Variants in GPR153 observed in about 807,000 individuals in gnomAD.
GPR153 encodes probable G protein-coupled receptor 153.
GPR153 carries 27 observed loss-of-function variants against 34.1 expected under a neutral mutation model. That is an observed-to-expected ratio of 0.79 (90% CI 0.58 to 1.09). The LOEUF is 1.09. Ranked by LOEUF, GPR153 falls within the 50% of genes least tolerant of loss-of-function variation. GPR153 has a pLI of 0.00. For missense variants in GPR153, 848 were observed against 860.2 expected, an observed-to-expected ratio of 0.99 and a Z score of 0.18; for synonymous variants, 408 against 405.4, an observed-to-expected ratio of 1.01 and a Z score of -0.08.
rs766020613 is a variant in GPR153 at position 6,253,776 on chromosome 1, G to A, written c.728C>T (p.Thr243Met). ...GAAGACTATGGTGGTCACGAGGCCCGTGGTCTGCAGAGAGGTTTTGGCGGG... is the reference window on the plus strand; with the variant it reads ...GAAGACTATGGTGGTCACGAGGCCCATGGTCTGCAGAGAGGTTTTGGCGGG... ...SEPAKTSLQTTGLVTTIVFIY... is the reference protein window; with the variant it reads ...SEPAKTSLQTMGLVTTIVFIY... Residue 243 changes from threonine (T) to methionine (M), a missense_variant, in exon 3 of 6, where the codon ACG becomes ATG. By Grantham distance (81) the Thr-to-Met change is moderately conservative. Transcript: ENST00000377893. 9.0e-6 allele frequency: 14 copies of A among 1,550,330 alleles called. No homozygotes were observed. Among genetic ancestry groups the A allele is most frequent in the South Asian group, 2.5e-5 (2 of 81,068 alleles).
Position 6,254,044 on chromosome 1 carries a change from C to T in GPR153, c.460G>A (p.Glu154Lys), listed in dbSNP as rs367600573. 44 of 1,613,318 alleles carry T rather than the reference C, an allele frequency of 2.7e-5. No individual in the cohort carries two copies. The highest frequency in any genetic ancestry group is 1.6e-4 in the Middle Eastern group (1 of 6,084). Reference protein sequence around the residue: ...LPAVGWHDTSERFYTHGCRFI... With the variant: ...LPAVGWHDTSKRFYTHGCRFI... The stretch of plus-strand genomic sequence containing the variant: ...CGGCAGCCATGGGTGTAGAAGCGCT[C>T]GCTGGTGTCGTGCCAGCCAACGGCA... The change falls in exon 3 of 6, where the codon GAG becomes AAG. Residue 154 changes from glutamate to lysine, a missense_variant. Transcript: ENST00000377893.
rs556101646 is a variant in GPR153 at position 6,259,040 on chromosome 1, G to A, written c.-110+1785C>T. Among the ~76,000 whole-genome samples the A allele has an allele frequency of 7.9e-5, 12 of 152,330 alleles. No individual in the cohort carries two copies. The South Asian group carries it at 2.5e-3, about 32-fold the overall frequency. On this transcript the variant is annotated intron_variant, in intron 1 of 5. Coordinates refer to ENST00000377893, the MANE Select transcript of GPR153 (RefSeq NM_207370.4). ...CTCGGGGAGGCCAAGGTGAGTGGAT[G>A]GCTTGAGCCCGGGAGTTCGAGACCA...
In GPR153 at chr1:6,248,212, G is replaced by A. The variant is rs898522005; in HGVS notation, c.*1126C>T. On this transcript the variant is annotated 3_prime_UTR_variant, in exon 6 of 6. Coordinates refer to ENST00000377893, the MANE Select transcript of GPR153 (RefSeq NM_207370.4). ...CCCAGGCCTGTAAGGGGTCTGCCCA[G>A]GATGGAAGGCAAAGAAATACATTGC... is the stretch of plus-strand genomic sequence containing the variant. The A allele has an allele frequency of 6.6e-6, 1 of 152,314 alleles. No homozygotes were observed. Among genetic ancestry groups the A allele is most frequent in the African/African-American group, 2.4e-5 (1 of 41,456 alleles). The allele number at this position is 152,314 out of a possible 1,614,324, so 9.4% of individuals were successfully genotyped here. A position where few individuals can be genotyped will look rare whatever the true frequency, so the allele number is the denominator to read the frequency against.
chr1:6,253,903 C>T lies in GPR153; in HGVS notation c.601G>A (p.Val201Met), dbSNP rs144536689. 6.6e-4 allele frequency: 1,069 copies of T among 1,609,036 alleles called. 6 individuals carry two copies. In the South Asian group the frequency reaches 8.4e-3, roughly 13 times the overall value. The change falls in exon 3 of 6, where the codon GTG becomes ATG. Residue 201 changes from valine to methionine, a missense_variant. Val to Met is a conservative substitution (Grantham distance 21). Transcript: ENST00000377893. Reference sequence around the variant, plus strand: ...CGGTCGGCCTGGCGCCCCACCTGCACGGCCAGCGTCTGGAAGAGGGCGATG... The same window carrying T: ...CGGTCGGCCTGGCGCCCCACCTGCATGGCCAGCGTCTGGAAGAGGGCGATG... ...TAIALFQTLA[V>M]QVGRQADRRA... is the part of the protein sequence containing the mutation.
chr1:6,249,638 G>A lies in GPR153; in HGVS notation c.1530C>T (p.Cys510=). 9.1e-7 allele frequency: 1 copy of A among 1,097,438 alleles called. No homozygotes were observed. The allele number at this position is 1,097,438 out of a possible 1,614,324, so 68.0% of individuals were successfully genotyped here. A position where few individuals can be genotyped will look rare whatever the true frequency, so the allele number is the denominator to read the frequency against. The change falls in exon 6 of 6, where the codon TGC becomes TGT. Residue 510 remains cysteine (C), a synonymous_variant. Coordinates refer to ENST00000377893, the MANE Select transcript of GPR153 (RefSeq NM_207370.4). This position sits in a 1 kb window ranked among gnomAD's most constrained non-coding sequence, Gnocchi z 4.3. ...GCGGGCGGCGCAGGGCCTGTGGCTC[G>A]CACTCGAAGGCGGTCAGGGCGAAGG... ...PDAFALTAFE[C]EPQALRRPPG...
chr1:6,253,058 A>G (rs2100988050), intron 3 of GPR153, among the ~76,000 whole-genome samples: 1 of 152,242 alleles, frequency 6.6e-6, no homozygotes, highest in South Asian at 2.1e-4. Flanking sequence ...ACCTGGACCC[A>G]CCAGGAAACC....
chr1:6,250,218 A>T, intron 5 of GPR153: 1 of 985,346 alleles, frequency 1.0e-6, no homozygotes, highest in Non-Finnish European at 1.2e-6. Flanking sequence ...CGTTGAGGAT[A>T]CTGAGCCGGC....
intron 1 of GPR153, among the ~76,000 whole-genome samples, chr1:6,259,929 G>T (rs1638634591): frequency 6.6e-6 from 1 of 151,528 alleles, no homozygotes; most frequent in Non-Finnish European, 1.5e-5. Context: ...GGCACTTAAA[G>T]CCCTGTCTTC....
chr1:6,255,650 T>TG (rs1557615269), intron 1 of GPR153, among the ~76,000 whole-genome samples: 18 of 124,154 alleles, frequency 1.4e-4, no homozygotes, highest in Admixed American at 1.0e-3. Flanking sequence ...ACGTTTTTTT[T>TG]TTTTTTTTTT....
chr1:6,255,642 G>GTTTTT (rs59403526), intron 1 of GPR153, among the ~76,000 whole-genome samples: 479 of 38,822 alleles, frequency 0.012, 114 homozygotes, highest in African/African-American at 0.037. Context: ...GCCTGGCTAC[G>GTTTTT]TTTTTTTTTT....
rs1415751825 is a variant in GPR153, at chr1:6,254,142, C to T, written c.362G>A (p.Ser121Asn). The change falls in exon 3 of 6, where the codon AGC becomes AAC. Residue 121 changes from serine to asparagine, a missense_variant. Transcript: ENST00000377893. ...GTGCACCGCCTGCTTCTTGGCATTG[C>T]TCAGCCTGGCATGAGGCAGGGTGGA... ...MVCWPVNYRL[S>N]NAKKQAVHTV... 1.2e-6 allele frequency: 2 copies of T among 1,605,370 alleles called. No homozygotes were observed. Among genetic ancestry groups the T allele is most frequent in the East Asian group, 2.2e-5 (1 of 44,688 alleles).
At position 6,249,830 on chromosome 1, in the gene GPR153, G is replaced by A; in HGVS notation, c.1338C>T (p.Asp446=). ...RRASLLAFAE[D]APPSRARRRS... is the part of the protein sequence containing the mutation. ...GGCGGCGCGCGCGGGACGGTGGTGC[G>A]TCCTCCGCGAAGGCCAGGAGGCTGG... Residue 446 remains aspartate, a synonymous_variant, in exon 6 of 6, where the codon GAC becomes GAT. Coordinates refer to ENST00000377893, the MANE Select transcript of GPR153 (RefSeq NM_207370.4). The surrounding 1 kb of genome is among the most constrained non-coding windows in gnomAD (Gnocchi z 4.3). 8.1e-7 allele frequency: 1 copy of A among 1,229,724 alleles called. No individual in the cohort carries two copies. Among genetic ancestry groups the A allele is most frequent in the Non-Finnish European group, 1.0e-6 (1 of 985,696 alleles). 76.2% of individuals were successfully genotyped at this position (1,229,724 alleles called of 1,614,324 possible). A position where few individuals can be genotyped will look rare whatever the true frequency, so the allele number is the denominator to read the frequency against.
Position 6,253,739 on chromosome 1 carries a change from G to T in GPR153, c.765C>A (p.Cys255Ter). Reference protein sequence around the residue: ...LVTTIVFIYDCLMGFPVLVVS... With the variant: ...LVTTIVFIYD ...CCACCAGCACAGGGAAGCCCATGAG[G>T]CAGTCGTAGATGAAGACTATGGTGG... Residue 255 changes from cysteine to a stop codon, truncating the protein, a stop_gained, in exon 3 of 6, where the codon TGC (cysteine) becomes TGA (stop). Coordinates refer to ENST00000377893, the MANE Select transcript of GPR153 (RefSeq NM_207370.4). LOFTEE classifies it high-confidence loss of function. 1.3e-6 allele frequency: 2 copies of T among 1,524,552 alleles called. No individual in the cohort carries two copies. Among genetic ancestry groups the T allele is most frequent in the Non-Finnish European group, 1.8e-6 (2 of 1,135,860 alleles). The allele number at this position is 1,524,552 out of a possible 1,614,324, so 94.4% of individuals were successfully genotyped here. A position where few individuals can be genotyped will look rare whatever the true frequency, so the allele number is the denominator to read the frequency against.
rs879684299 is a variant in GPR153, at chr1:6,251,783, G to A, written c.787-253C>T. On this transcript the variant is annotated intron_variant, in intron 3 of 5. Transcript: ENST00000377893. The surrounding 1 kb of genome is among the most constrained non-coding windows in gnomAD (Gnocchi z 4.9). Reference sequence around the variant, plus strand: ...CTGGCTGCCCATGGAGAGAAGTGGGGCATGGATTACCACCTCCTCCCCGCT... The same window carrying A: ...CTGGCTGCCCATGGAGAGAAGTGGGACATGGATTACCACCTCCTCCCCGCT... Among the ~76,000 whole-genome samples the A allele has an allele frequency of 5.3e-5, 8 of 152,312 alleles. No individual in the cohort carries two copies. The South Asian group carries it at 1.0e-3, about 20-fold the overall frequency.
chr1:6,255,651 T>TTTTG lies in GPR153; in HGVS notation c.-109-638_-109-637insCAAA, dbSNP rs1553152915. Among the ~76,000 whole-genome samples, 1,071 of 124,456 alleles carry TTTTG rather than the reference T, an allele frequency of 8.6e-3. 85 individuals are homozygous for TTTTG. Among genetic ancestry groups the TTTTG allele is most frequent in the African/African-American group, 0.035 (1,000 of 28,234 alleles). The allele number at this position is 124,456 out of a possible 152,430, so 81.6% of individuals were successfully genotyped here. ...CACTATGCCTGGCTACGTTTTTTTT[T>TTTTG]TTTTTTTTTTTTTTTTTTTGAGATA... On this transcript the variant is annotated intron_variant, in intron 1 of 5. Coordinates refer to ENST00000377893, the MANE Select transcript of GPR153 (RefSeq NM_207370.4).
At chr1:6,259,562 A>G (rs1249363635) in intron 1 of GPR153, among the ~76,000 whole-genome samples, 1 of 150,070 alleles carries the variant, frequency 6.7e-6, no homozygotes, top group Admixed American at 6.7e-5. Context: ...GGCAGGTCTC[A>G]CCGTCCCCAC....
chr1:6,256,345 A>G (rs1638568111), intron 1 of GPR153, among the ~76,000 whole-genome samples: 2 of 149,900 alleles, frequency 1.3e-5, no homozygotes, highest in African/African-American at 4.9e-5. Flanking sequence ...AAAAATTTAT[A>G]TATGTGTGTA....
intron 1 of GPR153, among the ~76,000 whole-genome samples, chr1:6,260,586 G>A (rs1638654274): frequency 6.6e-6 from 1 of 151,954 alleles, no homozygotes; most frequent in African/African-American, 2.4e-5. Context: ...CGTCCCCTGA[G>A]AAGCCCAGGG....
At position 6,250,179 on chromosome 1, in the gene GPR153, G is replaced by A. The variant is rs546853059; in HGVS notation, c.1165-176C>T. The A allele has an allele frequency of 1.2e-4, 117 of 985,458 alleles. 1 individual carries two copies. In the South Asian group the frequency reaches 5.0e-3, roughly 42 times the overall value. The allele number at this position is 985,458 out of a possible 1,614,324, so 61.0% of individuals were successfully genotyped here. A position where few individuals can be genotyped will look rare whatever the true frequency, so the allele number is the denominator to read the frequency against. ...CTCTTCGAGCCGCAGGGCTGTGTCA[G>A]ACAGCTGGGGTCGGTTGGGGAGGGC... is the stretch of plus-strand genomic sequence containing the variant. On this transcript the variant is annotated intron_variant, in intron 5 of 5. Coordinates refer to ENST00000377893, the MANE Select transcript of GPR153 (RefSeq NM_207370.4).
Sources: gnomAD v4.1 joint callset for allele counts (sites outside exome capture counted in the v4.1 genomes callset) on GRCh38, gnomAD v4.1.1 for gene constraint, Gnocchi (gnomAD v3.1) non-coding constraint, MANE v1.5 for transcripts, NCBI Gene and HGNC (gene_info 2026-07-23, HGNC 2026-07-21) for gene names.